ADCY9: variants seen among roughly 807,000 people sequenced by gnomAD.
ADCY9 encodes adenylate cyclase 9.
ADCY9 carries 50 observed loss-of-function variants against 101.5 expected under a neutral mutation model. The ratio of observed to expected loss-of-function variants is 0.49; its 90% CI spans 0.39 to 0.62. The LOEUF (loss-of-function observed/expected upper bound fraction) is 0.62, where lower values mean the gene tolerates loss of function less well. ADCY9 is among the 20% of genes least tolerant of loss of function. The probability of loss-of-function intolerance (pLI) is 0.00; values close to 1 mark genes in which losing one functional copy is unlikely to be tolerated. For synonymous variants in ADCY9, 905 were observed against 769.3 expected, an observed-to-expected ratio of 1.18 and a Z score of -2.92; for missense variants, 1,662 against 1,800.4, an observed-to-expected ratio of 0.92 and a Z score of 1.39.
At chr16:3,995,495 C>G (rs1370790536) in intron 3 of ADCY9, among the ~76,000 whole-genome samples, 2 of 151,934 alleles carry the variant, frequency 1.3e-5, no homozygotes, top group Admixed American at 6.6e-5. Flanking sequence ...ATACAGTATA[C>G]CCGTAATAAA....
intron 3 of ADCY9, among the ~76,000 whole-genome samples, chr16:3,994,807 T>C (rs1034059941): frequency 2.6e-5 from 4 of 152,200 alleles, no homozygotes; most frequent in Non-Finnish European, 5.9e-5. Flanking sequence ...AAAGCTGTTA[T>C]TAAGTAAAGA....
chr16:3,980,318 G>A (rs757745566), intron 7 of ADCY9, among the ~76,000 whole-genome samples: 9 of 152,172 alleles, frequency 5.9e-5, no homozygotes, highest in African/African-American at 1.7e-4. Context: ...CTGAGTGTGC[G>A]GGCCAAGAAC....
At chr16:4,071,254 C>T (rs1212757927) in intron 2 of ADCY9, among the ~76,000 whole-genome samples, 1 of 137,152 alleles carries the variant, frequency 7.3e-6, no homozygotes, top group Admixed American at 8.6e-5. Flanking sequence ...CAATTGAACC[C>T]GGGAAGCGGA....
At chr16:4,082,824 T>C (rs551948478) in intron 2 of ADCY9, among the ~76,000 whole-genome samples, 1 of 152,332 alleles carries the variant, frequency 6.6e-6, no homozygotes, top group East Asian at 1.9e-4. Context: ...TTCACCCCAA[T>C]GGGGCTTCCC....
chr16:4,099,911 G>A lies in ADCY9; in HGVS notation c.1693+13839C>T, dbSNP rs968818841. Among the ~76,000 whole-genome samples, 5 of 152,314 alleles carry A rather than the reference G, an allele frequency of 3.3e-5. No homozygotes were observed. The South Asian group carries it at 1.0e-3, about 32-fold the overall frequency. On this transcript the variant is annotated intron_variant, in intron 2 of 10. Transcript: ENST00000294016. ...TCTCAAAAATTTGAAAAAATCAGCT[G>A]GGCGTGGTGGTGCACATGTGCAGTC... is the stretch of plus-strand genomic sequence containing the variant.
chr16:4,109,662 T>C (rs2141208169), intron 2 of ADCY9, among the ~76,000 whole-genome samples: 1 of 152,288 alleles, frequency 6.6e-6, no homozygotes, highest in South Asian at 2.1e-4. Flanking sequence ...TTTGTTTAAA[T>C]CTGGCTTGCA....
chr16:4,105,223 G>T (rs2057068765), intron 2 of ADCY9, among the ~76,000 whole-genome samples: 1 of 151,950 alleles, frequency 6.6e-6, no homozygotes, highest in Non-Finnish European at 1.5e-5. Context: ...ACATGCAATG[G>T]GTGAAATGAA....
In ADCY9 at chr16:4,085,935, T is replaced by C. The variant is rs923397468; in HGVS notation, c.1693+27815A>G. Among the ~76,000 whole-genome samples, 11 of 151,462 alleles carry C rather than the reference T, an allele frequency of 7.3e-5. 1 individual carries two copies. Among genetic ancestry groups the C allele is most frequent in the African/African-American group, 2.4e-4 (10 of 41,316 alleles). The stretch of plus-strand genomic sequence containing the variant: ...TGGTGTTCAGGGTGGTGTGCGGACA[T>C]CCATTCATTTATTGCATAATTATTA... On this transcript the variant is annotated intron_variant, in intron 2 of 10. Coordinates refer to ENST00000294016, the MANE Select transcript of ADCY9 (RefSeq NM_001116.4).
At chr16:4,104,493 T>C (rs1422943914) in intron 2 of ADCY9, among the ~76,000 whole-genome samples, 1 of 152,098 alleles carries the variant, frequency 6.6e-6, no homozygotes, top group African/African-American at 2.4e-5. Flanking sequence ...ATGCCTGTAG[T>C]CCCAGCTACT....
intron 2 of ADCY9, among the ~76,000 whole-genome samples, chr16:4,102,671 C>T (rs1239600138): frequency 2.0e-5 from 3 of 152,078 alleles, no homozygotes; most frequent in African/African-American, 7.2e-5. Context: ...GTGATCCGCC[C>T]GCCTCGGCCT....
rs748406740 is a variant in ADCY9, at chr16:4,007,538, A to G, written c.1714T>C (p.Ser572Pro). Reference protein sequence around the residue: ...QLKGLKTYLISGQRAKESRCS... With the variant: ...QLKGLKTYLIPGQRAKESRCS... ...CGAGACTCCTTGGCTCTCTGACCCG[A>G]TATCAGGTATGTCTTCAAACCTATG... Residue 572 changes from serine (S) to proline (P), a missense_variant, in exon 3 of 11, where the codon TCG (serine) becomes CCG (proline). This residue lies in a region of ADCY9 where 624 missense variants were observed against 639.1 expected (regional missense o/e 0.98). Transcript: ENST00000294016. The G allele has an allele frequency of 3.1e-6, 5 of 1,609,592 alleles. No homozygotes were observed. Among genetic ancestry groups the G allele is most frequent in the Admixed American group, 1.7e-5 (1 of 58,540 alleles).
At position 3,992,509 on chromosome 16, in the gene ADCY9, C is replaced by T. The variant is rs747380649; in HGVS notation, c.1990-146G>A. On this transcript the variant is annotated intron_variant, in intron 4 of 10. Transcript: ENST00000294016. This position sits in a 1 kb window ranked among gnomAD's most constrained non-coding sequence, Gnocchi z 4.2. ...CTGACCTGCGAGGAACCCCCACCCC[C>T]CTGCGCCTACAGACCTGCTCCAATC... 4.2e-6 allele frequency: 3 copies of T among 709,438 alleles called. No homozygotes were observed. The highest frequency in any genetic ancestry group is 3.6e-5 in the African/African-American group (2 of 56,012). 43.9% of individuals were successfully genotyped at this position (709,438 alleles called of 1,614,324 possible). A position where few individuals can be genotyped will look rare whatever the true frequency, so the allele number is the denominator to read the frequency against.
rs187022873 is a variant in ADCY9 at position 4,067,104 on chromosome 16, A to C, written c.1693+46646T>G. ...AGAGTTTTAAGAACTGAAATAACTT[A>C]AAAAAAATTAGAATCACAGAATGGG... On this transcript the variant is annotated intron_variant, in intron 2 of 10. Coordinates refer to ENST00000294016, the MANE Select transcript of ADCY9 (RefSeq NM_001116.4). 1.5e-3 allele frequency among the ~76,000 whole-genome samples: 232 copies of C among 152,150 alleles called. 1 individual carries two copies. The highest frequency in any genetic ancestry group is 5.3e-3 in the African/African-American group (220 of 41,498).
intron 2 of ADCY9, among the ~76,000 whole-genome samples, chr16:4,060,572 A>G (rs1275896037): frequency 6.6e-6 from 1 of 152,216 alleles, no homozygotes; most frequent in African/African-American, 2.4e-5. Context: ...CCTGACCACT[A>G]AGCTATGCTG....
At position 3,965,843 on chromosome 16, in the gene ADCY9, C is replaced by CAAAG; in HGVS notation, c.3993_3994insCTTT (p.Asp1332LeufsTer2). On this transcript the variant is annotated frameshift_variant, in exon 11 of 11. Coordinates refer to ENST00000294016, the MANE Select transcript of ADCY9 (RefSeq NM_001116.4). LOFTEE classifies it high-confidence loss of function. ...TCTTCTATTCCTGTTTCGTCACAGTCGTCTTTCTCTATGGCTTTGCCAAAT... is the reference window on the plus strand; with the variant it reads ...TCTTCTATTCCTGTTTCGTCACAGTCAAAGGTCTTTCTCTATGGCTTTGCCAAAT... 6.2e-7 allele frequency: 1 copy of CAAAG among 1,614,210 alleles called. No homozygotes were observed.
chr16:3,967,124 G>A (rs2056006258), intron 10 of ADCY9, among the ~76,000 whole-genome samples, 158 bp from the exon 11 acceptor site: 1 of 152,326 alleles, frequency 6.6e-6, no homozygotes, highest in East Asian at 1.9e-4. Context: ...TGAAGGTATG[G>A]AGGGATAAAG....
chr16:4,076,141 C>T (rs966825138), intron 2 of ADCY9, among the ~76,000 whole-genome samples: 3 of 152,184 alleles, frequency 2.0e-5, no homozygotes, highest in African/African-American at 7.2e-5. Flanking sequence ...CTGCAGTGCG[C>T]TACCATCACA....
At chr16:4,102,735 T>C (rs2057051578) in intron 2 of ADCY9, among the ~76,000 whole-genome samples, 1 of 149,070 alleles carries the variant, frequency 6.7e-6, no homozygotes. Context: ...ATGTGTTTGT[T>C]TTTTGAGGCA....
intron 2 of ADCY9, among the ~76,000 whole-genome samples, chr16:4,102,105 G>A (rs1232702149): frequency 1.3e-5 from 2 of 152,166 alleles, no homozygotes; most frequent in African/African-American, 2.4e-5. Flanking sequence ...ACACCCTTTA[G>A]TGCAATACGA....
Sources: gnomAD v4.1 joint callset for allele counts (sites outside exome capture counted in the v4.1 genomes callset) on GRCh38, gnomAD v4.1.1 for gene constraint, gnomAD v4.1.1 regional missense constraint, Gnocchi (gnomAD v3.1) non-coding constraint, MANE v1.5 for transcripts, NCBI Gene and HGNC (gene_info 2026-07-23, HGNC 2026-07-21) for gene names.